Variants in LARP4B observed in about 807,000 individuals in gnomAD.
LARP4B encodes La ribonucleoprotein 4B.
Under a neutral mutation model 89.8 loss-of-function variants are expected in LARP4B, and 12 were observed. The ratio of observed to expected loss-of-function variants is 0.13; its 90% confidence interval spans 0.09 to 0.22. The LOEUF (loss-of-function observed/expected upper bound fraction) is 0.22. Ranked by LOEUF, LARP4B falls within the 10% of genes least tolerant of loss-of-function variation. LARP4B has a pLI of 1.00. For synonymous variants in LARP4B, 367 were observed against 363.3 expected, an observed-to-expected ratio of 1.01 and a Z score of -0.12; for missense variants, 757 against 947.7, an observed-to-expected ratio of 0.80 and a Z score of 2.64.
the LARP4B span, among the ~76,000 whole-genome samples, chr10:964,127 C>T: frequency 2.0e-5 from 3 of 152,272 alleles, no homozygotes; most frequent in South Asian, 2.1e-4. Flanking sequence ...AGTGCAGTGG[C>T]GTGATCTCTG....
chr10:876,886 T>TCTA (rs1835475535), intron 3 of LARP4B, among the ~76,000 whole-genome samples: 1 of 152,128 alleles, frequency 6.6e-6, no homozygotes, highest in African/African-American at 2.4e-5. Flanking sequence ...AGGTGGAGGC[T>TCTA]GCCCCACAGC....
intron 1 of LARP4B, among the ~76,000 whole-genome samples, chr10:886,585 G>C (rs542495845): frequency 2.6e-5 from 4 of 152,154 alleles, no homozygotes; most frequent in Non-Finnish European, 5.9e-5. Flanking sequence ...TAGAAATTGG[G>C]ATGTGTGTAT....
At chr10:987,663 C>T in the LARP4B span, 2 of 152,348 alleles carry the variant, frequency 1.3e-5, no homozygotes, top group Admixed American at 1.3e-4. Context: ...AGGGATGTGG[C>T]CCTGGGTTCC....
At chr10:888,659 T>C (rs1835932616) in intron 1 of LARP4B, among the ~76,000 whole-genome samples, 1 of 152,154 alleles carries the variant, frequency 6.6e-6, no homozygotes, top group African/African-American at 2.4e-5. Context: ...CACACACATT[T>C]TTAAAAGATT....
At position 918,943 on chromosome 10, in the gene LARP4B, T is replaced by C. The variant is rs372920362; in HGVS notation, c.-40+12485A>G. Among the ~76,000 whole-genome samples, 47 of 151,436 alleles carry C rather than the reference T, an allele frequency of 3.1e-4. 1 individual carries two copies. The highest frequency in any genetic ancestry group is 1.7e-3 in the East Asian group (9 of 5,150). ...AAAATACAAAAAAATTAGCTGGGCGTGGTGGCGGGCGCCTGTAGTCCCAGC... is the reference window on the plus strand; with the variant it reads ...AAAATACAAAAAAATTAGCTGGGCGCGGTGGCGGGCGCCTGTAGTCCCAGC... On this transcript the variant is annotated intron_variant, in intron 1 of 17. Transcript: ENST00000316157.
the LARP4B span, among the ~76,000 whole-genome samples, chr10:970,299 G>T: frequency 2.6e-5 from 4 of 152,236 alleles, no homozygotes; most frequent in Non-Finnish European, 5.9e-5. Context: ...ACTCCCAGCA[G>T]TAGGAGAGTG....
upstream of LARP4B, chr10:931,771 G>T (rs1439283569): frequency 6.7e-6 from 1 of 150,044 alleles, no homozygotes; most frequent in African/African-American, 2.4e-5. Flanking sequence ...CTGAACTCGC[G>T]CACTCACCCG....
At chr10:968,302 G>A in the LARP4B span, among the ~76,000 whole-genome samples, 1 of 152,016 alleles carries the variant, frequency 6.6e-6, no homozygotes, top group Admixed American at 6.6e-5. Context: ...AACAAACTGA[G>A]GTCAAACTTT....
In LARP4B at chr10:829,368, G is replaced by GTCTACAACA; in HGVS notation, c.1125+16_1125+17insTGTTGTAGA. On this transcript the variant is annotated intron_variant, in intron 11 of 17. Transcript: ENST00000316157. The stretch of plus-strand genomic sequence containing the variant: ...ATAGTGTCTACAACATAAATTCCTA[G>GTCTACAACA]TAAAGAAATGACGTACCAAGGGTGG... 1 of 1,563,958 alleles carries GTCTACAACA rather than the reference G, an allele frequency of 6.4e-7. No homozygotes were observed. Among genetic ancestry groups the GTCTACAACA allele is most frequent in the South Asian group, 1.2e-5 (1 of 84,280 alleles).
chr10:835,472 C>A (rs1464875534), intron 8 of LARP4B, among the ~76,000 whole-genome samples: 1 of 152,124 alleles, frequency 6.6e-6, no homozygotes, highest in Non-Finnish European at 1.5e-5. Context: ...TGCGAGTCCC[C>A]AAAGCAGGCA....
intron 14 of LARP4B, chr10:818,097 C>G: frequency 1.9e-6 from 1 of 514,542 alleles, no homozygotes; most frequent in Non-Finnish European, 3.5e-6. Flanking sequence ...ATGCTGCTGC[C>G]CAAGAGATGT....
the LARP4B span, among the ~76,000 whole-genome samples, chr10:985,006 G>A: frequency 1.3e-5 from 2 of 152,110 alleles, no homozygotes; most frequent in Admixed American, 6.5e-5. Context: ...AGCCACTCTC[G>A]GCTGGCAGTG....
At chr10:890,816 C>A (rs1564433319) in intron 1 of LARP4B, among the ~76,000 whole-genome samples, 1 of 152,010 alleles carries the variant, frequency 6.6e-6, no homozygotes, top group Non-Finnish European at 1.5e-5. Flanking sequence ...GCTCCCACTC[C>A]CTGAGGGGGT....
chr10:908,520 G>A (rs1003884144), intron 1 of LARP4B, among the ~76,000 whole-genome samples: 3 of 151,224 alleles, frequency 2.0e-5, no homozygotes, highest in African/African-American at 4.9e-5. Context: ...CAGTCTTGTA[G>A]GGATGAGCCC....
chr10:936,154 C>A (rs1043262475), upstream of LARP4B, among the ~76,000 whole-genome samples: 1 of 152,076 alleles, frequency 6.6e-6, no homozygotes, highest in African/African-American at 2.4e-5. Flanking sequence ...ATTGATTAAA[C>A]AAATATTCAC....
chr10:946,894 A>G, the LARP4B span, among the ~76,000 whole-genome samples: 1 of 151,958 alleles, frequency 6.6e-6, no homozygotes, highest in Non-Finnish European at 1.5e-5. Flanking sequence ...TTTGAGACAG[A>G]GTCTTGCTCT....
At chr10:923,024 G>C (rs1004468885) in intron 1 of LARP4B, among the ~76,000 whole-genome samples, 1 of 151,878 alleles carries the variant, frequency 6.6e-6, no homozygotes, top group African/African-American at 2.4e-5. Flanking sequence ...CCAGTGAGCG[G>C]AGACTGTGCC....
Position 917,293 on chromosome 10 carries a change from T to C in LARP4B, c.-40+14135A>G, listed in dbSNP as rs186928487. On this transcript the variant is annotated intron_variant, in intron 1 of 17. Coordinates refer to ENST00000316157, the MANE Select transcript of LARP4B (RefSeq NM_015155.3). Reference sequence around the variant, plus strand: ...AGCAAATGGGTAAAACATAACTTTATGAGCAAGACTGAAACATTCACCTTA... The same window carrying C: ...AGCAAATGGGTAAAACATAACTTTACGAGCAAGACTGAAACATTCACCTTA... 3.9e-5 allele frequency among the ~76,000 whole-genome samples: 6 copies of C among 152,354 alleles called. No homozygotes were observed. The East Asian group carries it at 5.8e-4, about 15-fold the overall frequency.
At chr10:849,981 A>T (rs1466541299) in intron 5 of LARP4B, among the ~76,000 whole-genome samples, 1 of 152,230 alleles carries the variant, frequency 6.6e-6, no homozygotes, top group Non-Finnish European at 1.5e-5. Context: ...AATGAAATAT[A>T]ATGTGGTTCT....
Sources: gnomAD v4.1 joint callset for allele counts (sites outside exome capture counted in the v4.1 genomes callset) on GRCh38, gnomAD v4.1.1 for gene constraint, MANE v1.5 for transcripts, NCBI Gene and HGNC (gene_info 2026-07-23, HGNC 2026-07-21) for gene names.